Variants in ERICH6 observed in about 807,000 individuals in gnomAD.
ERICH6 encodes glutamate-rich protein 6.
Under a neutral mutation model 71.0 loss-of-function variants are expected in ERICH6, and 71 were observed. The ratio of observed to expected loss-of-function variants is 1.00; its 90% CI spans 0.83 to 1.22. The LOEUF is 1.22. ERICH6 is among the 50% of genes most tolerant of loss of function. ERICH6 has a pLI of 0.00. For synonymous variants in ERICH6, 262 were observed against 278.4 expected (o/e 0.94, Z 0.59); for missense variants, 808 against 797.2 (o/e 1.01, Z -0.16).
At chr3:150,700,718 G>A (rs1393134294) in intron 2 of ERICH6, among the ~76,000 whole-genome samples, 1 of 152,032 alleles carries the variant, frequency 6.6e-6, no homozygotes, top group Non-Finnish European at 1.5e-5. Flanking sequence ...CAAGTAGCTG[G>A]GAATACAGGC....
At chr3:150,702,313 G>T (rs1043244501) in intron 1 of ERICH6, 135 bp from the exon 2 acceptor site, 49 of 485,190 alleles carry the variant, frequency 1.0e-4, no homozygotes, top group African/African-American at 9.7e-4. Flanking sequence ...GTCTCGCTCT[G>T]TCGCCTAGGC....
At chr3:150,660,207 G>A (rs757027963) in intron 13 of ERICH6, 52 bp from the exon 14 acceptor site, 3 of 1,578,510 alleles carry the variant, frequency 1.9e-6, no homozygotes, top group East Asian at 4.5e-5. Flanking sequence ...AGTGGAACTG[G>A]GGAGGTGGGA....
intron 3 of ERICH6, among the ~76,000 whole-genome samples, chr3:150,688,750 C>T (rs1344693556): frequency 1.3e-5 from 2 of 152,206 alleles, no homozygotes; most frequent in South Asian, 2.1e-4. Context: ...AGCCCCCTCC[C>T]GGCTTTGAGT....
At chr3:150,674,602 A>G (rs1019826691) in intron 10 of ERICH6, among the ~76,000 whole-genome samples, 7 of 152,160 alleles carry the variant, frequency 4.6e-5, no homozygotes, top group Admixed American at 3.9e-4. Flanking sequence ...TTTAGAATCA[A>G]CTTGTCAAGA....
rs561155927 is a variant in ERICH6, at chr3:150,681,039, T to G, written c.883-109A>C. 7.1e-6 allele frequency: 8 copies of G among 1,127,644 alleles called. No homozygotes were observed. The African/African-American group carries it at 1.3e-4, about 18-fold the overall frequency. 69.9% of individuals were successfully genotyped at this position (1,127,644 alleles called of 1,614,324 possible). On this transcript the variant is annotated intron_variant, in intron 7 of 13. Coordinates refer to ENST00000295910, the MANE Select transcript of ERICH6 (RefSeq NM_152394.5). ...ATAACAATCCATCATAAGTTTTTAT[T>G]CTGGTAATAGCTTTATTAAGATATA...
intron 3 of ERICH6, among the ~76,000 whole-genome samples, chr3:150,696,011 G>A (rs1162138060): frequency 1.3e-5 from 2 of 151,826 alleles, no homozygotes; most frequent in African/African-American, 2.4e-5. Context: ...AAAGAATAAG[G>A]AGGGGAGAAA....
intron 3 of ERICH6, among the ~76,000 whole-genome samples, chr3:150,687,749 A>G (rs554706376): frequency 6.6e-6 from 1 of 152,328 alleles, no homozygotes; most frequent in Middle Eastern, 3.4e-3. Context: ...GAAAGAGGCT[A>G]TTAAAATGCA....
chr3:150,685,016 AT>A (rs997575928), intron 6 of ERICH6, among the ~76,000 whole-genome samples: 3 of 151,912 alleles, frequency 2.0e-5, no homozygotes, highest in South Asian at 2.1e-4. Context: ...AAAAAAAAAA[AT>A]AATAATAATT....
rs146177223 is a variant in ERICH6 at position 150,703,667 on chromosome 3, G to A, written c.232C>T (p.Leu78Phe). ...EAPETFSEEYLWKVTDIGDYD... is the reference protein window; with the variant it reads ...EAPETFSEEYFWKVTDIGDYD... ...TCACCGATGTCCGTGACCTTCCAGA[G>A]GTACTCTTCGCTGAACGTCTCAGGG... is the stretch of plus-strand genomic sequence containing the variant. Residue 78 changes from leucine (L) to phenylalanine (F), a missense_variant, in exon 1 of 14, where the codon CTC (leucine) becomes TTC (phenylalanine). Physicochemically the swap from Leu to Phe is conservative, Grantham distance 22 (BLOSUM62 0). Around this residue, in one of 3 missense-constraint regions of ERICH6, gnomAD observed 736 missense variants for 712.2 expected, o/e 1.03. Coordinates refer to ENST00000295910, the MANE Select transcript of ERICH6 (RefSeq NM_152394.5). The A allele has an allele frequency of 5.1e-5, 83 of 1,613,444 alleles. No homozygotes were observed. Among genetic ancestry groups the A allele is most frequent in the Non-Finnish European group, 8.5e-6 (10 of 1,179,764 alleles).
At chr3:150,703,448 C>T in intron 1 of ERICH6, 48 bp downstream of exon 1, 5 of 1,510,172 alleles carry the variant, frequency 3.3e-6, no homozygotes, top group Non-Finnish European at 4.4e-6. Flanking sequence ...ACCAGGTGCC[C>T]CCTGGAGACG....
intron 3 of ERICH6, among the ~76,000 whole-genome samples, chr3:150,695,334 TAACC>T (rs1712613998): frequency 6.6e-6 from 1 of 151,890 alleles, no homozygotes. Flanking sequence ...TGATTGACAA[TAACC>T]AATTAGAAAA....
chr3:150,666,701 A>C, intron 13 of ERICH6, 86 bp downstream of exon 13: 2 of 1,159,046 alleles, frequency 1.7e-6, no homozygotes, highest in Non-Finnish European at 2.4e-6. Flanking sequence ...GCACTAGTGT[A>C]ATCTATCAGT....
chr3:150,679,415 T>C (rs996084044), intron 9 of ERICH6, among the ~76,000 whole-genome samples: 4 of 152,256 alleles, frequency 2.6e-5, no homozygotes, highest in African/African-American at 4.8e-5. Flanking sequence ...ATCATTCTTA[T>C]GCTTTTGCGT....
chr3:150,669,147 C>T (rs991264855), intron 12 of ERICH6, 149 bp downstream of exon 12: 3 of 826,058 alleles, frequency 3.6e-6, no homozygotes, highest in Admixed American at 3.7e-5. Context: ...TGGTGTAAAC[C>T]AAAAATGTCT....
In ERICH6 at chr3:150,672,618, A is replaced by G. The variant is rs574028690; in HGVS notation, c.1343+1338T>C. Reference sequence around the variant, plus strand: ...AAACAAACAAACAAACAAAAACCATATATTTTTCTTTTTCTTTTTTTATTT... The same window carrying G: ...AAACAAACAAACAAACAAAAACCATGTATTTTTCTTTTTCTTTTTTTATTT... On this transcript the variant is annotated intron_variant, in intron 11 of 13. Coordinates refer to ENST00000295910, the MANE Select transcript of ERICH6 (RefSeq NM_152394.5). 1.1e-4 allele frequency among the ~76,000 whole-genome samples: 17 copies of G among 150,386 alleles called. No individual in the cohort carries two copies. In the South Asian group the frequency reaches 1.5e-3, roughly 13 times the overall value.
At chr3:150,701,126 T>A (rs1345792934) in intron 2 of ERICH6, among the ~76,000 whole-genome samples, 1 of 152,154 alleles carries the variant, frequency 6.6e-6, no homozygotes, top group East Asian at 1.9e-4. Context: ...TAATTTATCA[T>A]TTCATATAGT....
chr3:150,670,195 G>C (rs1388661413), intron 11 of ERICH6, among the ~76,000 whole-genome samples: 1 of 152,040 alleles, frequency 6.6e-6, no homozygotes, highest in Admixed American at 6.6e-5. Context: ...ACTATTAATA[G>C]ATGTTCTGGC....
At chr3:150,694,220 T>C (rs1256586003) in intron 3 of ERICH6, among the ~76,000 whole-genome samples, 1 of 152,154 alleles carries the variant, frequency 6.6e-6, no homozygotes, top group Non-Finnish European at 1.5e-5. Context: ...TTTTCTAAAA[T>C]GCTTTCTCTG....
At chr3:150,672,322 G>T (rs1225596294) in intron 11 of ERICH6, among the ~76,000 whole-genome samples, 2 of 137,566 alleles carry the variant, frequency 1.5e-5, no homozygotes, top group Non-Finnish European at 3.1e-5. Context: ...CATAGGCCGG[G>T]TGTGGTGGCT....
Sources: allele counts gnomAD v4.1 joint callset (sites outside exome capture counted in the v4.1 genomes callset), GRCh38; gene constraint gnomAD v4.1.1; regional missense constraint gnomAD v4.1.1; transcripts MANE v1.5; gene names NCBI Gene and HGNC (gene_info 2026-07-23, HGNC 2026-07-21).